Variants in ABL1 observed in about 807,000 individuals in gnomAD.
ABL1 encodes the protein tyrosine-protein kinase ABL1.
In ABL1, 11 loss-of-function variants were observed where a neutral mutation model predicts 94.7. The observed-to-expected ratio is 0.12, with a 90% confidence interval of 0.07 to 0.19. The LOEUF (loss-of-function observed/expected upper bound fraction) is 0.19. Ranked by LOEUF, ABL1 falls within the 10% of genes least tolerant of loss-of-function variation. ABL1 has a pLI of 1.00. For missense variants in ABL1, 1,082 were observed against 1,489.4 expected (o/e 0.73, Z 4.50); for synonymous variants, 656 against 622.4 (o/e 1.05, Z -0.80).
At chr9:130,833,916 T>G (rs986146638), upstream of ABL1, 2 of 429,944 alleles carry the variant, frequency 4.7e-6, no homozygotes, top group South Asian at 3.2e-5. Flanking sequence ...CTGAAACATA[T>G]AATGACAATG....
intron 1 of ABL1, among the ~76,000 whole-genome samples, chr9:130,820,658 A>G (rs1217821763): frequency 6.6e-6 from 1 of 152,164 alleles, no homozygotes; most frequent in Non-Finnish European, 1.5e-5. Flanking sequence ...TAAGCTGAAA[A>G]CCAACAACAC....
At chr9:130,763,948 G>A (rs1210876412) in intron 1 of ABL1, among the ~76,000 whole-genome samples, 1 of 152,146 alleles carries the variant, frequency 6.6e-6, no homozygotes, top group Non-Finnish European at 1.5e-5. Context: ...CCCCCTGCCA[G>A]CACAAGGGGA....
Position 130,884,348 on chromosome 9 carries a change from G to T in ABL1, c.2058G>T (p.Leu686=). The change falls in exon 11 of 11, where the codon CTG becomes CTT. Residue 686 remains leucine (L), a synonymous_variant. Transcript: ENST00000318560. This position sits in a 1 kb window ranked among gnomAD's most constrained non-coding sequence, Gnocchi z 5.6. ...GCTCAGGCTTCCGGTCTCCCCACCT[G>T]TGGAAGAAGTCCAGCACGCTGACCA... ...SGGSGFRSPH[L]WKKSSTLTSS... is the part of the protein sequence containing the mutation. The T allele has an allele frequency of 6.2e-7, 1 of 1,612,180 alleles. No individual in the cohort carries two copies. The highest frequency in any genetic ancestry group is 8.5e-7 in the Non-Finnish European group (1 of 1,179,768).
intron 1 of ABL1, among the ~76,000 whole-genome samples, chr9:130,761,093 G>A (rs1406011478): frequency 6.6e-6 from 1 of 151,672 alleles, no homozygotes; most frequent in Non-Finnish European, 1.5e-5. Context: ...GACTACAGGC[G>A]CCCACCACCA....
At chr9:130,793,278 T>G (rs1490238235) in intron 1 of ABL1, among the ~76,000 whole-genome samples, 1 of 152,190 alleles carries the variant, frequency 6.6e-6, no homozygotes, top group Non-Finnish European at 1.5e-5. Context: ...TTTGCTTATT[T>G]TTAGTATTCC....
At chr9:130,861,942 C>T (rs917457660) in intron 3 of ABL1, among the ~76,000 whole-genome samples, 1 of 152,254 alleles carries the variant, frequency 6.6e-6, no homozygotes, top group African/African-American at 2.4e-5. Flanking sequence ...TCCTCTCCAG[C>T]TCTGTTGTGT....
At chr9:130,847,624 G>A (rs1830793221) in intron 1 of ABL1, among the ~76,000 whole-genome samples, 1 of 152,178 alleles carries the variant, frequency 6.6e-6, no homozygotes, top group Non-Finnish European at 1.5e-5. Context: ...GAAGGTTTTG[G>A]TGTTGGACTG....
chr9:130,817,692 A>G (rs1303203827), intron 1 of ABL1, among the ~76,000 whole-genome samples: 1 of 152,204 alleles, frequency 6.6e-6, no homozygotes, highest in Non-Finnish European at 1.5e-5. Context: ...AATTAAATTT[A>G]TGTTCAAGTG....
At position 130,887,551 on chromosome 9, in the gene ABL1, T is replaced by G; in HGVS notation, c.*1868T>G. 4.3e-6 allele frequency: 1 copy of G among 233,468 alleles called. No individual in the cohort carries two copies. Among genetic ancestry groups the G allele is most frequent in the Non-Finnish European group, 8.5e-6 (1 of 117,928 alleles). The allele number at this position is 233,468 out of a possible 1,614,324, so 14.5% of individuals were successfully genotyped here. On this transcript the variant is annotated 3_prime_UTR_variant, in exon 11 of 11. Transcript: ENST00000318560. Reference sequence around the variant, plus strand: ...GCCCTGCCCCCTCGGGGGCCTGTGGTGGCTCCCCCTCTGCTTCTCGGGGTC... The same window carrying G: ...GCCCTGCCCCCTCGGGGGCCTGTGGGGGCTCCCCCTCTGCTTCTCGGGGTC...
intron 4 of ABL1, among the ~76,000 whole-genome samples, chr9:130,867,027 C>CTT (rs201374636): frequency 6.6e-6 from 1 of 152,070 alleles, no homozygotes; most frequent in African/African-American, 2.4e-5. Context: ...ACATCAGTGT[C>CTT]TTTTTTTTCT....
chr9:130,770,130 T>C (rs1384791534), intron 1 of ABL1, among the ~76,000 whole-genome samples: 1 of 152,132 alleles, frequency 6.6e-6, no homozygotes, highest in Non-Finnish European at 1.5e-5. Flanking sequence ...CACAGAACTC[T>C]GGCTTTGTTG....
At chr9:130,874,533 A>G (rs576116811) in intron 6 of ABL1, among the ~76,000 whole-genome samples, 2 of 152,316 alleles carry the variant, frequency 1.3e-5, no homozygotes. Context: ...TAGCATATTA[A>G]TTAATTACAC....
chr9:130,790,536 T>A (rs1363041538), intron 1 of ABL1, among the ~76,000 whole-genome samples: 1 of 151,962 alleles, frequency 6.6e-6, no homozygotes, highest in Non-Finnish European at 1.5e-5. Flanking sequence ...CAGGCTGGAG[T>A]GCAGTGGTCT....
At position 130,884,266 on chromosome 9, in the gene ABL1, C is replaced by G. The variant is rs1292296606; in HGVS notation, c.1976C>G (p.Ser659Cys). 2.5e-6 allele frequency: 4 copies of G among 1,598,716 alleles called. No individual in the cohort carries two copies. The highest frequency in any genetic ancestry group is 3.4e-6 in the Non-Finnish European group (4 of 1,172,916). ...TPLDTADPAKSPKPSNGAGVP... is the reference protein window; with the variant it reads ...TPLDTADPAKCPKPSNGAGVP... Reference sequence around the variant, plus strand: ...TTGGACACAGCTGACCCAGCCAAGTCCCCAAAGCCCAGCAATGGGGCTGGG... The same window carrying G: ...TTGGACACAGCTGACCCAGCCAAGTGCCCAAAGCCCAGCAATGGGGCTGGG... The change falls in exon 11 of 11, where the codon TCC becomes TGC. Residue 659 changes from serine (S) to cysteine (C), a missense_variant. Physicochemically the swap from Ser to Cys is moderately radical, Grantham distance 112. Coordinates refer to ENST00000318560, the MANE Select transcript of ABL1 (RefSeq NM_005157.6). This position sits in a 1 kb window ranked among gnomAD's most constrained non-coding sequence, Gnocchi z 5.6.
rs1831517117 is a variant in ABL1, at chr9:130,884,102, C to T, written c.1812C>T (p.Ile604=). 1 of 1,544,262 alleles carries T rather than the reference C, an allele frequency of 6.5e-7. No homozygotes were observed. The highest frequency in any genetic ancestry group is 1.4e-5 in the African/African-American group (1 of 73,202). Residue 604 remains isoleucine, a synonymous_variant, in exon 11 of 11, where the codon ATC becomes ATT. Transcript: ENST00000318560. The surrounding 1 kb of genome is among the most constrained non-coding windows in gnomAD (Gnocchi z 5.6). Reference sequence around the variant, plus strand: ...AGACCAACTTGTTCAGCGCCTTGATCAAGAAGAAGAAGAAGACAGCCCCAA... The same window carrying T: ...AGACCAACTTGTTCAGCGCCTTGATTAAGAAGAAGAAGAAGACAGCCCCAA... ...DKKTNLFSAL[I]KKKKKTAPTP...
chr9:130,843,003 A>G (rs1001029233), intron 1 of ABL1, among the ~76,000 whole-genome samples: 4 of 152,342 alleles, frequency 2.6e-5, no homozygotes, highest in African/African-American at 7.2e-5. Flanking sequence ...ACAAATCATT[A>G]TGTTCCCTAG....
At chr9:130,726,818 G>T (rs1831592601) in intron 1 of ABL1, among the ~76,000 whole-genome samples, 1 of 152,178 alleles carries the variant, frequency 6.6e-6, no homozygotes, top group Admixed American at 6.5e-5. Flanking sequence ...TCTTAAAGTA[G>T]AAATTTAGAT....
At chr9:130,868,437 A>AG (rs984346899) in intron 4 of ABL1, among the ~76,000 whole-genome samples, 1 of 150,152 alleles carries the variant, frequency 6.7e-6, no homozygotes, top group East Asian at 2.0e-4. Flanking sequence ...CTGCTCAGGG[A>AG]GGGGGTCCCT....
At chr9:130,865,626 T>C (rs772615271) in intron 4 of ABL1, among the ~76,000 whole-genome samples, 3 of 151,790 alleles carry the variant, frequency 2.0e-5, no homozygotes, top group Non-Finnish European at 4.4e-5. Flanking sequence ...TGCGTGTGTA[T>C]TCCTAGCTAC....
Sources: allele counts gnomAD v4.1 joint callset (sites outside exome capture counted in the v4.1 genomes callset), GRCh38; gene constraint gnomAD v4.1.1; non-coding constraint Gnocchi (gnomAD v3.1); transcripts MANE v1.5; gene names NCBI Gene and HGNC (gene_info 2026-07-23, HGNC 2026-07-21).